SEMA6D: variants seen among roughly 807,000 people sequenced by gnomAD.
SEMA6D encodes semaphorin 6D.
A neutral mutation model predicts 106.6 loss-of-function variants in SEMA6D; 35 were observed. That is an observed-to-expected ratio of 0.33 (90% CI 0.25 to 0.44). SEMA6D has a LOEUF of 0.44. Ranked by LOEUF, SEMA6D falls within the 20% of genes least tolerant of loss-of-function variation. The probability of loss-of-function intolerance (pLI) is 1.00; values close to 1 mark genes in which losing one functional copy is unlikely to be tolerated. For synonymous variants in SEMA6D, 499 were observed against 487.7 expected, an observed-to-expected ratio of 1.02 and a Z score of -0.31; for missense variants, 1,185 against 1,345.9, an observed-to-expected ratio of 0.88 and a Z score of 1.87.
At chr15:47,232,802 G>C (rs903730202) in intron 1 of SEMA6D, among the ~76,000 whole-genome samples, 1 of 151,942 alleles carries the variant, frequency 6.6e-6, no homozygotes, top group East Asian at 1.9e-4. Context: ...TTGTTGAGCT[G>C]TAAGGGCTAT....
At chr15:47,240,024 A>G (rs1261123459) in intron 1 of SEMA6D, among the ~76,000 whole-genome samples, 3 of 152,184 alleles carry the variant, frequency 2.0e-5, no homozygotes, top group African/African-American at 7.2e-5. Context: ...TTTTATTTGT[A>G]TAACATGATT....
At chr15:47,467,968 C>T (rs975860164) in intron 2 of SEMA6D, among the ~76,000 whole-genome samples, 9 of 151,798 alleles carry the variant, frequency 5.9e-5, no homozygotes, top group Non-Finnish European at 7.4e-5. Flanking sequence ...ATTATAATAC[C>T]GACAGGATTG....
intron 1 of SEMA6D, among the ~76,000 whole-genome samples, chr15:47,328,148 C>T (rs775856394): frequency 5.3e-5 from 8 of 152,082 alleles, no homozygotes; most frequent in Non-Finnish European, 1.0e-4. Flanking sequence ...GTAATTCAGG[C>T]ACAAAGACAA....
chr15:47,469,527 A>C (rs1414100238), intron 2 of SEMA6D, among the ~76,000 whole-genome samples: 1 of 152,190 alleles, frequency 6.6e-6, no homozygotes, highest in African/African-American at 2.4e-5. Flanking sequence ...GAATTACAAT[A>C]ATAGGCAAGC....
At chr15:47,348,867 G>A (rs1046574304) in intron 1 of SEMA6D, among the ~76,000 whole-genome samples, 1 of 152,064 alleles carries the variant, frequency 6.6e-6, no homozygotes, top group Non-Finnish European at 1.5e-5. Flanking sequence ...GCATCCTGAT[G>A]AGAGTTGTCC....
At chr15:47,263,153 G>A (rs1463257555) in intron 1 of SEMA6D, among the ~76,000 whole-genome samples, 5 of 152,024 alleles carry the variant, frequency 3.3e-5, no homozygotes, top group East Asian at 1.9e-4. Flanking sequence ...ATTTTATGAT[G>A]AAGATGCCAA....
chr15:47,519,304 C>T (rs758187600), intron 3 of SEMA6D, among the ~76,000 whole-genome samples: 3 of 152,116 alleles, frequency 2.0e-5, no homozygotes, highest in East Asian at 1.9e-4. Context: ...GTGAGTAATG[C>T]GTTGCAATAC....
chr15:47,596,032 A>G (rs141909954), intron 3 of SEMA6D, among the ~76,000 whole-genome samples: 250 of 152,232 alleles, frequency 1.6e-3, no homozygotes, highest in African/African-American at 5.6e-3. Context: ...GATCCTATGT[A>G]TAGAAAACCC....
At chr15:47,457,078 A>G (rs2042367468) in intron 2 of SEMA6D, among the ~76,000 whole-genome samples, 1 of 151,988 alleles carries the variant, frequency 6.6e-6, no homozygotes, top group Non-Finnish European at 1.5e-5. Context: ...AAAACTTTGC[A>G]TTATACAGGG....
chr15:47,201,663 T>C (rs1894734723), intron 1 of SEMA6D, among the ~76,000 whole-genome samples: 1 of 152,124 alleles, frequency 6.6e-6, no homozygotes, highest in Non-Finnish European at 1.5e-5. Context: ...ACTACCTCAC[T>C]GAAGCCGTAA....
At chr15:47,759,551 C>G (rs979848157) in intron 1 of SEMA6D, among the ~76,000 whole-genome samples, 194 bp from the exon 2 acceptor site, 3 of 152,164 alleles carry the variant, frequency 2.0e-5, no homozygotes, top group Non-Finnish European at 4.4e-5. Context: ...AATGCTCAAC[C>G]AGATGCTTTA....
intron 4 of SEMA6D, among the ~76,000 whole-genome samples, chr15:47,636,956 T>A (rs908782147): frequency 6.6e-6 from 1 of 152,200 alleles, no homozygotes; most frequent in African/African-American, 2.4e-5. Flanking sequence ...AGTAGGTTAG[T>A]AATTTGATAC....
chr15:47,305,694 T>G (rs894367330), intron 1 of SEMA6D, among the ~76,000 whole-genome samples: 4 of 152,234 alleles, frequency 2.6e-5, no homozygotes, highest in Non-Finnish European at 5.9e-5. Flanking sequence ...TTGCCAATTG[T>G]GCTGTCATAC....
intron 1 of SEMA6D, among the ~76,000 whole-genome samples, chr15:47,384,033 T>C (rs2039733398): frequency 6.6e-6 from 1 of 152,208 alleles, no homozygotes; most frequent in African/African-American, 2.4e-5. Context: ...CCCAGTTTAA[T>C]TTTTGGCTGG....
intron 4 of SEMA6D, among the ~76,000 whole-genome samples, chr15:47,704,039 G>A (rs370308221): frequency 2.6e-5 from 4 of 152,074 alleles, no homozygotes; most frequent in African/African-American, 7.2e-5. Flanking sequence ...ATACATATGC[G>A]CTCATATATG....
chr15:47,370,834 C>G (rs536494810), intron 1 of SEMA6D, among the ~76,000 whole-genome samples: 172 of 151,390 alleles, frequency 1.1e-3, no homozygotes, highest in African/African-American at 4.1e-3. Context: ...CCACTGCACT[C>G]CAGCCTGGGT....
intron 2 of SEMA6D, among the ~76,000 whole-genome samples, chr15:47,462,410 T>C (rs1373022745): frequency 6.6e-6 from 1 of 152,074 alleles, no homozygotes; most frequent in Non-Finnish European, 1.5e-5. Context: ...AAATGCTTCA[T>C]GTATCCCAAA....
At chr15:47,413,828 T>A (rs1330312165) in intron 2 of SEMA6D, among the ~76,000 whole-genome samples, 1 of 152,148 alleles carries the variant, frequency 6.6e-6, no homozygotes, top group African/African-American at 2.4e-5. Flanking sequence ...TTTCATGTGG[T>A]CTTATAGCAG....
At chr15:47,419,727 T>A (rs555181183) in intron 2 of SEMA6D, among the ~76,000 whole-genome samples, 58 of 152,244 alleles carry the variant, frequency 3.8e-4, no homozygotes, top group Non-Finnish European at 6.9e-4. Context: ...AAGAGAAGTT[T>A]CCATAGGAAG....
Sources: allele counts gnomAD v4.1 joint callset (sites outside exome capture counted in the v4.1 genomes callset), GRCh38; gene constraint gnomAD v4.1.1; transcripts MANE v1.5; gene names NCBI Gene and HGNC (gene_info 2026-07-23, HGNC 2026-07-21).